The following THRB variants were observed in gnomAD, a reference collection of about 807,000 sequenced individuals.
THRB encodes the protein thyroid hormone receptor beta.
A neutral mutation model predicts 47.8 loss-of-function variants in THRB; 12 were observed. The observed-to-expected ratio is 0.25, with a 90% CI of 0.16 to 0.41. The LOEUF is 0.41. Ranked by LOEUF, THRB falls within the 10% of genes least tolerant of loss-of-function variation. THRB has a pLI of 1.00. For missense variants in THRB, 348 were observed against 589.2 expected (o/e 0.59, Z 4.24); for synonymous variants, 218 against 212.2 (o/e 1.03, Z -0.24).
intron 3 of THRB, among the ~76,000 whole-genome samples, chr3:24,291,786 A>G (rs1309041384): frequency 1.3e-5 from 2 of 152,212 alleles, no homozygotes; most frequent in African/African-American, 4.8e-5. Context: ...ATTGTCAACA[A>G]GACTGCAAAT....
intron 3 of THRB, among the ~76,000 whole-genome samples, chr3:24,278,854 T>C (rs2054214436): frequency 6.6e-6 from 1 of 152,182 alleles, no homozygotes; most frequent in Non-Finnish European, 1.5e-5. Flanking sequence ...TTATTTATTA[T>C]TTATTTTTAG....
chr3:24,269,393 G>A (rs1324805342), intron 3 of THRB, among the ~76,000 whole-genome samples: 10 of 67,222 alleles, frequency 1.5e-4, no homozygotes, highest in South Asian at 5.8e-4. Flanking sequence ...TCACACGCGC[G>A]CGCGCGCGCG....
intron 5 of THRB, among the ~76,000 whole-genome samples, chr3:24,181,061 A>C (rs1251972678): frequency 6.6e-6 from 1 of 152,230 alleles, no homozygotes; most frequent in African/African-American, 2.4e-5. Context: ...GATAGCCTGA[A>C]GACTCCTATT....
rs1576878275 is a variant in THRB, at chr3:24,328,557, C to A, written c.-189+8743G>T. 2.0e-5 allele frequency among the ~76,000 whole-genome samples: 3 copies of A among 152,296 alleles called. No individual in the cohort carries two copies. In the South Asian group the frequency reaches 6.2e-4, roughly 32 times the overall value. On this transcript the variant is annotated intron_variant, in intron 2 of 10. Transcript: ENST00000646209. ...TTACACCCACTGCTTAAGACACAAA[C>A]CCAGGACTCATCCTTGATGGCTTCT...
chr3:24,232,523 C>A (rs2048357844), intron 3 of THRB, among the ~76,000 whole-genome samples: 1 of 152,136 alleles, frequency 6.6e-6, no homozygotes, highest in Non-Finnish European at 1.5e-5. Context: ...ATAGACCTAT[C>A]CCCAGGTTAT....
rs182630825 is a variant in THRB, at chr3:24,433,167, A to G, written c.-261+61485T>C. On this transcript the variant is annotated intron_variant, in intron 1 of 10. Transcript: ENST00000646209. ...TCAGCTGTAAAATGGGAATAATAAC[A>G]ATACCTATCTGTAGTGGGTTAAATA... 1.4e-3 allele frequency among the ~76,000 whole-genome samples: 210 copies of G among 152,266 alleles called. 2 individuals carry two copies. Among genetic ancestry groups the G allele is most frequent in the Non-Finnish European group, 1.8e-3 (123 of 67,998 alleles).
chr3:24,293,394 T>C (rs1321204174), intron 3 of THRB, among the ~76,000 whole-genome samples: 2 of 152,222 alleles, frequency 1.3e-5, no homozygotes, highest in African/African-American at 4.8e-5. Context: ...TTTCCCCTTC[T>C]TACTAAGAAA....
chr3:24,140,562 A>T (rs556956988), intron 8 of THRB, among the ~76,000 whole-genome samples: 73 of 152,020 alleles, frequency 4.8e-4, no homozygotes, highest in Non-Finnish European at 8.4e-4. Context: ...GACCTTTATT[A>T]TTATTTTTTA....
intron 4 of THRB, among the ~76,000 whole-genome samples, chr3:24,216,317 A>T (rs1480064947): frequency 2.0e-5 from 3 of 152,208 alleles, no homozygotes; most frequent in Non-Finnish European, 4.4e-5. Context: ...AGATGTTAAA[A>T]ATATGAATTG....
intron 4 of THRB, among the ~76,000 whole-genome samples, chr3:24,196,874 GAC>G (rs1332324789): frequency 2.0e-5 from 3 of 152,200 alleles, no homozygotes; most frequent in African/African-American, 2.4e-5. Context: ...TAACAATGAA[GAC>G]ACACATTTGA....
chr3:24,252,626 G>A (rs7428988), intron 3 of THRB, among the ~76,000 whole-genome samples: 39,531 of 150,734 alleles, frequency 0.26, 5,932 homozygotes, highest in East Asian at 0.41. Flanking sequence ...TATCTCGAAT[G>A]CCTATAAAAG....
intron 5 of THRB, among the ~76,000 whole-genome samples, chr3:24,153,842 C>A (rs2037391047): frequency 6.6e-6 from 1 of 152,086 alleles, no homozygotes; most frequent in South Asian, 2.1e-4. Flanking sequence ...TATCATGGTC[C>A]TTATGAAGTT....
intron 5 of THRB, among the ~76,000 whole-genome samples, chr3:24,173,301 T>G (rs750845941): frequency 2.0e-5 from 3 of 152,196 alleles, no homozygotes; most frequent in Non-Finnish European, 4.4e-5. Flanking sequence ...AACTTCTGTC[T>G]TCTTCTGTTG....
At chr3:24,469,714 T>C (rs1317464581) in intron 1 of THRB, among the ~76,000 whole-genome samples, 1 of 152,232 alleles carries the variant, frequency 6.6e-6, no homozygotes, top group Non-Finnish European at 1.5e-5. Flanking sequence ...AGAATACATT[T>C]TATTAACTTA....
chr3:24,381,502 G>C (rs2065709096), intron 1 of THRB, among the ~76,000 whole-genome samples: 1 of 152,132 alleles, frequency 6.6e-6, no homozygotes, highest in South Asian at 2.1e-4. Flanking sequence ...ATAACTCCTT[G>C]GAAGGTGAAG....
intron 5 of THRB, among the ~76,000 whole-genome samples, chr3:24,160,588 A>G (rs1350248244): frequency 6.6e-6 from 1 of 152,192 alleles, no homozygotes; most frequent in Non-Finnish European, 1.5e-5. Flanking sequence ...GGGAAGTACC[A>G]AGGACAGCGC....
chr3:24,409,477 C>A (rs1296670742), intron 1 of THRB, among the ~76,000 whole-genome samples: 2 of 151,794 alleles, frequency 1.3e-5, no homozygotes, highest in African/African-American at 4.8e-5. Context: ...CACATTCTGG[C>A]TCTGTCATGT....
At chr3:24,241,119 TGGGAA>T (rs770561035) in intron 3 of THRB, among the ~76,000 whole-genome samples, 3 of 152,052 alleles carry the variant, frequency 2.0e-5, no homozygotes, top group East Asian at 3.9e-4. Flanking sequence ...TGAGACACAA[TGGGAA>T]GGGGAGTGTA....
chr3:24,148,053 C>T (rs1222395758), intron 6 of THRB, among the ~76,000 whole-genome samples: 1 of 152,050 alleles, frequency 6.6e-6, no homozygotes, highest in African/African-American at 2.4e-5. Flanking sequence ...CAGTCCTGCC[C>T]CAGCCACTTA....
Sources: gnomAD v4.1 joint callset for allele counts (sites outside exome capture counted in the v4.1 genomes callset) on GRCh38, gnomAD v4.1.1 for gene constraint, MANE v1.5 for transcripts, NCBI Gene and HGNC (gene_info 2026-07-23, HGNC 2026-07-21) for gene names.